Variants in PCDHGA4 observed in about 807,000 individuals in gnomAD.
PCDHGA4 encodes the protein protocadherin gamma subfamily A, 4, also known as protocadherin gamma-A4.
A neutral mutation model predicts 54.6 loss-of-function variants in PCDHGA4; 38 were observed. The ratio of observed to expected loss-of-function variants is 0.70; its 90% CI spans 0.54 to 0.91. PCDHGA4 has a LOEUF of 0.91. PCDHGA4 is among the 40% of genes least tolerant of loss of function. PCDHGA4 has a pLI of 0.00. For missense variants in PCDHGA4, 1,298 were observed against 1,220.9 expected (o/e 1.06, Z -0.94); for synonymous variants, 511 against 512.9 (o/e 1.00, Z 0.05).
At chr5:141,407,967 T>C (rs1589649755) in intron 1 of PCDHGA4, 2 of 705,496 alleles carry the variant, frequency 2.8e-6, no homozygotes, top group South Asian at 2.3e-5. Flanking sequence ...GAGCAAGCGC[T>C]GACGCCGGGG....
chr5:141,507,368 T>C (rs1446319165), intron 3 of PCDHGA4: 2 of 152,094 alleles, frequency 1.3e-5, no homozygotes, highest in Non-Finnish European at 2.9e-5. Context: ...GGGAGCCCTG[T>C]ACTTTTATTT....
chr5:141,390,052 G>C (rs2092030783), intron 1 of PCDHGA4: 1 of 1,613,960 alleles, frequency 6.2e-7, no homozygotes, highest in Non-Finnish European at 8.5e-7. Context: ...GCCTCCTGGA[G>C]CTGCTTCCAG....
intron 1 of PCDHGA4, chr5:141,415,740 GTTTTTT>G (rs57426385): frequency 0.053 from 32,266 of 613,620 alleles, 66 homozygotes; most frequent in South Asian, 0.061. Flanking sequence ...GTTTATTAAG[GTTTTTT>G]TTTTTTTTTT....
rs772328241 is a variant in PCDHGA4 at position 141,491,340 on chromosome 5, C to A, written c.2515-3467C>A. On this transcript the variant is annotated intron_variant, in intron 1 of 3. Coordinates refer to ENST00000571252, the MANE Select transcript of PCDHGA4 (RefSeq NM_018917.4). The surrounding 1 kb of genome is among the most constrained non-coding windows in gnomAD (Gnocchi z 6.9). ...TTTACCTCATTGTGGCTCTAGCGACCGTCAGTCTCTTATCCCTAGTCACCT... is the reference window on the plus strand; with the variant it reads ...TTTACCTCATTGTGGCTCTAGCGACAGTCAGTCTCTTATCCCTAGTCACCT... 4.3e-6 allele frequency: 7 copies of A among 1,614,146 alleles called. No homozygotes were observed. Among genetic ancestry groups the A allele is most frequent in the Non-Finnish European group, 5.9e-6 (7 of 1,180,014 alleles).
chr5:141,401,285 T>TGAGCC (rs2094137060), intron 1 of PCDHGA4, among the ~76,000 whole-genome samples: 1 of 151,918 alleles, frequency 6.6e-6, no homozygotes, highest in Non-Finnish European at 1.5e-5. Context: ...GAGGTTGCGG[T>TGAGCC]GAGCCGAGAT....
At chr5:141,394,109 G>A (rs764779834) in intron 1 of PCDHGA4, 3 of 1,613,898 alleles carry the variant, frequency 1.9e-6, no homozygotes, top group East Asian at 4.5e-5. Flanking sequence ...CACCACCTCT[G>A]TCCACTGAAA....
At chr5:141,455,289 A>G (rs1592356100) in intron 1 of PCDHGA4, among the ~76,000 whole-genome samples, 2 of 152,192 alleles carry the variant, frequency 1.3e-5, no homozygotes, top group East Asian at 3.9e-4. Context: ...ATCACTTTAC[A>G]TAGTTTCATC....
chr5:141,394,269 C>T (rs367765478), intron 1 of PCDHGA4: 2 of 1,613,948 alleles, frequency 1.2e-6, no homozygotes, highest in Admixed American at 3.3e-5. Context: ...GGAGAATGCC[C>T]AGGTCACTTA....
intron 1 of PCDHGA4, chr5:141,364,789 G>T (rs1358031910): frequency 1.9e-6 from 3 of 1,614,036 alleles, no homozygotes; most frequent in East Asian, 4.5e-5. Flanking sequence ...CACGGTTAGT[G>T]CTTCCCTTCG....
At chr5:141,475,764 C>T (rs2154573514) in intron 1 of PCDHGA4, among the ~76,000 whole-genome samples, 1 of 152,380 alleles carries the variant, frequency 6.6e-6, no homozygotes, top group South Asian at 2.1e-4. Flanking sequence ...CCGATACTGG[C>T]AAGGCGCTTT....
intron 1 of PCDHGA4, chr5:141,360,306 C>T (rs1354179747): frequency 6.2e-7 from 1 of 1,613,952 alleles, no homozygotes; most frequent in Non-Finnish European, 8.5e-7. Context: ...TGGGGCTCAG[C>T]GTCCGGGACT....
rs994726301 is a variant in PCDHGA4, at chr5:141,476,632, T to C, written c.2515-18175T>C. ...TGGGAAGCAACTCTTTACAAACCTA[T>C]GAGCTGAGCCGAAATGAATACTTTG... On this transcript the variant is annotated intron_variant, in intron 1 of 3. Transcript: ENST00000571252. The surrounding 1 kb of genome is among the most constrained non-coding windows in gnomAD (Gnocchi z 7.6). The C allele has an allele frequency of 8.7e-6, 14 of 1,614,098 alleles. No homozygotes were observed. Among genetic ancestry groups the C allele is most frequent in the Admixed American group, 1.7e-5 (1 of 60,016 alleles).
intron 1 of PCDHGA4, chr5:141,400,244 C>T (rs765839538): frequency 1.9e-6 from 3 of 1,613,928 alleles, no homozygotes; most frequent in East Asian, 4.5e-5. Flanking sequence ...GTGATTCTGG[C>T]CGTTGCCTTG....
intron 1 of PCDHGA4, chr5:141,398,633 A>G: frequency 6.2e-7 from 1 of 1,614,064 alleles, no homozygotes; most frequent in Non-Finnish European, 8.5e-7. Flanking sequence ...TCTCTGCAGA[A>G]GTATAAACTC....
At chr5:141,375,460 C>G (rs184685234) in intron 1 of PCDHGA4, 288 of 1,614,022 alleles carry the variant, frequency 1.8e-4, no homozygotes, top group Non-Finnish European at 2.3e-4. Flanking sequence ...CCTACTCAGT[C>G]TATGTCCTTG....
chr5:141,372,977 T>G, intron 1 of PCDHGA4: 1 of 661,716 alleles, frequency 1.5e-6, no homozygotes, highest in Non-Finnish European at 2.5e-6. Flanking sequence ...CTGTAGAATA[T>G]CTGTGTTGCA....
chr5:141,419,507 G>A (rs909984738), intron 1 of PCDHGA4: 2 of 1,612,198 alleles, frequency 1.2e-6, no homozygotes, highest in Non-Finnish European at 1.7e-6. Context: ...GAGCCTGCGC[G>A]TGTTGGTGGG....
At chr5:141,450,627 C>G (rs947866993) in intron 1 of PCDHGA4, among the ~76,000 whole-genome samples, 1 of 151,592 alleles carries the variant, frequency 6.6e-6, no homozygotes, top group African/African-American at 2.4e-5. Context: ...GCTGGGATTA[C>G]AGATGCCTGC....
At chr5:141,394,847 G>T in intron 1 of PCDHGA4, 1 of 1,613,848 alleles carries the variant, frequency 6.2e-7, no homozygotes, top group South Asian at 1.1e-5. Context: ...TGGGCAGTCT[G>T]AAGCCTTCGG....
Sources: allele counts gnomAD v4.1 joint callset (sites outside exome capture counted in the v4.1 genomes callset), GRCh38; gene constraint gnomAD v4.1.1; non-coding constraint Gnocchi (gnomAD v3.1); transcripts MANE v1.5; gene names NCBI Gene and HGNC (gene_info 2026-07-23, HGNC 2026-07-21).